The following INCENP variants were observed in gnomAD, a reference collection of about 807,000 sequenced individuals.
INCENP encodes inner centromere protein.
A neutral mutation model predicts 107.3 loss-of-function variants in INCENP; 43 were observed. That is an observed-to-expected ratio of 0.40 (90% CI 0.31 to 0.52). INCENP has a LOEUF of 0.52. Among genes scored for constraint, INCENP ranks in the 20% least tolerant of loss-of-function variants. The pLI is 0.53. For synonymous variants in INCENP, 488 were observed against 494.4 expected (o/e 0.99, Z 0.17); for missense variants, 1,089 against 1,250.9 (o/e 0.87, Z 1.95).
chr11:62,152,849 T>C lies in INCENP; in HGVS notation c.*873T>C, dbSNP rs1944405184. 6.6e-6 allele frequency: 1 copy of C among 152,230 alleles called. No homozygotes were observed. The highest frequency in any genetic ancestry group is 6.5e-5 in the Admixed American group (1 of 15,278). 9.4% of individuals were successfully genotyped at this position (152,230 alleles called of 1,614,324 possible). On this transcript the variant is annotated 3_prime_UTR_variant, in exon 19 of 19. Transcript: ENST00000394818. ...CTGCTAATTAAATGCTTAGAACCAA[T>C]GAAAGCTGGCTGTGGTCCTGCCTGT...
At chr11:62,141,689 G>A (rs1944126864) in intron 11 of INCENP, 178 bp downstream of exon 11, 1 of 810,866 alleles carries the variant, frequency 1.2e-6, no homozygotes. Flanking sequence ...CAGCAGTTCT[G>A]GGCCCCAGCG....
Position 62,145,033 on chromosome 11 carries a change from C to T in INCENP, c.1657C>T (p.Gln553Ter). The change falls in exon 12 of 19, where the codon CAG becomes TAG. Residue 553 changes from glutamine (Q) to a stop codon, truncating the protein, a stop_gained. Coordinates refer to ENST00000394818, the MANE Select transcript of INCENP (RefSeq NM_001040694.2). LOFTEE classifies it high-confidence loss of function. ...TCTGCGGCGGAAGGAGGAGGCCGAG[C>T]AGCTGCGCAGGCAGAAGGTGGAGGA... ...ENLRRKEEAEQLRRQKVEEDK... is the reference protein window; with the variant it reads ...ENLRRKEEAE 2 of 1,610,384 alleles carry T rather than the reference C, an allele frequency of 1.2e-6. No homozygotes were observed.
intron 14 of INCENP, among the ~76,000 whole-genome samples, chr11:62,146,358 T>C (rs1944242394): frequency 6.6e-6 from 1 of 152,224 alleles, no homozygotes; most frequent in Non-Finnish European, 1.5e-5. Context: ...CTCCATTTTA[T>C]AGACGAGGAA....
intron 10 of INCENP, 130 bp downstream of exon 10, chr11:62,141,174 G>T: frequency 3.0e-6 from 4 of 1,312,718 alleles, no homozygotes; most frequent in Non-Finnish European, 4.2e-6. Context: ...CACTGTTAGG[G>T]GCCGGTTGAA....
intron 15 of INCENP, among the ~76,000 whole-genome samples, chr11:62,148,177 G>A (rs1944294454): frequency 6.6e-6 from 1 of 152,182 alleles, no homozygotes; most frequent in South Asian, 2.1e-4. Flanking sequence ...TGACCCTGGA[G>A]GAAATGTGTT....
intron 4 of INCENP, among the ~76,000 whole-genome samples, chr11:62,137,364 A>G (rs1023361237): frequency 2.6e-5 from 4 of 152,208 alleles, no homozygotes; most frequent in Admixed American, 2.0e-4. Flanking sequence ...TGTTGTTGAT[A>G]GGACTATTTG....
rs748781899 is a variant in INCENP, at chr11:62,145,010, T to C, written c.1634T>C (p.Leu545Pro). 4.4e-6 allele frequency: 7 copies of C among 1,605,148 alleles called. No homozygotes were observed. ...VEKERQRLEN[L>P]RRKEEAEQLR... Reference sequence around the variant, plus strand: ...AAGGAGCGGCAGCGCCTGGAGAATCTGCGGCGGAAGGAGGAGGCCGAGCAG... The same window carrying C: ...AAGGAGCGGCAGCGCCTGGAGAATCCGCGGCGGAAGGAGGAGGCCGAGCAG... Residue 545 changes from leucine to proline, a missense_variant, in exon 12 of 19, where the codon CTG becomes CCG. Physicochemically the swap from Leu to Pro is moderately conservative, Grantham distance 98. Transcript: ENST00000394818.
In INCENP at chr11:62,128,897, G is replaced by A. The variant is rs757386760; in HGVS notation, c.254+14G>A. The A allele has an allele frequency of 4.5e-6, 7 of 1,548,542 alleles. No individual in the cohort carries two copies. The highest frequency in any genetic ancestry group is 1.4e-5 in the African/African-American group (1 of 73,562). ...CATCAGGAGAAGGTAGGAGGGGTTGGGGGAGAGTGAGCTGAGCAGTGGGCT... is the reference window on the plus strand; with the variant it reads ...CATCAGGAGAAGGTAGGAGGGGTTGAGGGAGAGTGAGCTGAGCAGTGGGCT... On this transcript the variant is annotated intron_variant, in intron 3 of 18. Transcript: ENST00000394818.
At chr11:62,139,082 T>C in intron 7 of INCENP, 77 bp downstream of exon 7, 1 of 1,001,302 alleles carries the variant, frequency 1.0e-6, no homozygotes, top group Non-Finnish European at 1.6e-6. Flanking sequence ...ACCTTCTCTC[T>C]GGGGATAAGG....
rs1047739 is a variant in INCENP, at chr11:62,152,221, C to T, written c.*245C>T. 109,998 of 559,550 alleles carry T rather than the reference C, an allele frequency of 0.2. 12,005 individuals are homozygous for T. Among genetic ancestry groups the T allele is most frequent in the Middle Eastern group, 0.24 (501 of 2,104 alleles). 34.7% of individuals were successfully genotyped at this position (559,550 alleles called of 1,614,324 possible). A position where few individuals can be genotyped will look rare whatever the true frequency, so the allele number is the denominator to read the frequency against. On this transcript the variant is annotated 3_prime_UTR_variant, in exon 19 of 19. Transcript: ENST00000394818. ...AATGGGCCCAGCCCCACATGGCCTG[C>T]AGACAGTGCTCTGTAAATAGTTGTT... is the stretch of plus-strand genomic sequence containing the variant.
chr11:62,134,450 C>T (rs945216175), intron 4 of INCENP, among the ~76,000 whole-genome samples: 1 of 148,230 alleles, frequency 6.7e-6, no homozygotes, highest in African/African-American at 2.5e-5. Context: ...ATCTATTGAT[C>T]GTTACTGTAT....
chr11:62,140,686 C>T lies in INCENP; in HGVS notation c.1344-18C>T. The T allele has an allele frequency of 1.3e-6, 2 of 1,546,460 alleles. No individual in the cohort carries two copies. The highest frequency in any genetic ancestry group is 1.2e-5 in the South Asian group (1 of 84,084). ...TGTGGCGGGCTGCCCTGTGATGCCG[C>T]CGCCCGCGCCTTGGCAGGAGGAAGC... On this transcript the variant is annotated intron_variant, in intron 8 of 18. Transcript: ENST00000394818.
Position 62,146,800 on chromosome 11 carries a change from A to T in INCENP, c.2102A>T (p.Glu701Val), listed in dbSNP as rs1374071420. 1 of 1,534,990 alleles carries T rather than the reference A, an allele frequency of 6.5e-7. No individual in the cohort carries two copies. Among genetic ancestry groups the T allele is most frequent in the African/African-American group, 1.4e-5 (1 of 71,514 alleles). Reference sequence around the variant, plus strand: ...CGGGAGCAGGAGCGGCGCGAGCAGGAGCGGCGCGAGCAGGAGCGGCGGGAG... The same window carrying T: ...CGGGAGCAGGAGCGGCGCGAGCAGGTGCGGCGCGAGCAGGAGCGGCGGGAG... ...ERREQERREQ[E>V]RREQERREQE... Residue 701 changes from glutamate (E) to valine (V), a missense_variant, in exon 15 of 19, where the codon GAG becomes GTG. Transcript: ENST00000394818.
chr11:62,136,406 G>A (rs550349449), intron 4 of INCENP, among the ~76,000 whole-genome samples: 2 of 152,164 alleles, frequency 1.3e-5, no homozygotes, highest in Non-Finnish European at 2.9e-5. Context: ...ACTTTTGCAG[G>A]CGCAGTGGCT....
At chr11:62,147,211 A>G (rs1363732929) in intron 15 of INCENP, among the ~76,000 whole-genome samples, 4 of 152,280 alleles carry the variant, frequency 2.6e-5, no homozygotes, top group Admixed American at 6.5e-5. Flanking sequence ...CAGGGCCACC[A>G]TGGGCATTTT....
chr11:62,133,985 T>G (rs1290246201), intron 4 of INCENP, among the ~76,000 whole-genome samples: 1 of 152,182 alleles, frequency 6.6e-6, no homozygotes, highest in African/African-American at 2.4e-5. Context: ...ATGCGCCAGC[T>G]CAGCTACCTT....
chr11:62,140,270 C>T lies in INCENP; in HGVS notation c.1328C>T (p.Pro443Leu), dbSNP rs776616611. Reference sequence around the variant, plus strand: ...GACCAAGCAGATGGACCCAGAGAGCCACCGCAGAGTGCCAGGTTTGCATCC... The same window carrying T: ...GACCAAGCAGATGGACCCAGAGAGCTACCGCAGAGTGCCAGGTTTGCATCC... ...KTDQADGPRE[P>L]PQSARRKRSY... The change falls in exon 8 of 19, where the codon CCA (proline) becomes CTA (leucine). Residue 443 changes from proline (P) to leucine (L), a missense_variant. Physicochemically the swap from Pro to Leu is moderately conservative, Grantham distance 98 (BLOSUM62 -3). Transcript: ENST00000394818. 6.2e-7 allele frequency: 1 copy of T among 1,613,718 alleles called. No individual in the cohort carries two copies. Among genetic ancestry groups the T allele is most frequent in the South Asian group, 1.1e-5 (1 of 91,066 alleles).
intron 15 of INCENP, among the ~76,000 whole-genome samples, chr11:62,147,917 G>A (rs1675115): frequency 0.022 from 3,301 of 152,280 alleles, 126 homozygotes; most frequent in African/African-American, 0.075. Context: ...CGAGCTGCAT[G>A]CTTTACACCT....
In INCENP at chr11:62,140,781, C is replaced by T. The variant is rs1228350574; in HGVS notation, c.1421C>T (p.Pro474Leu). Residue 474 changes from proline to leucine, a missense_variant, in exon 9 of 19, where the codon CCC becomes CTC. By Grantham distance (98) the Pro-to-Leu change is moderately conservative. Coordinates refer to ENST00000394818, the MANE Select transcript of INCENP (RefSeq NM_001040694.2). ...CTGGAGGATGAGGAGCTGCAGCCCC[C>T]CAGGAGCAAGACCCCTTCCTCACCC... ...QHLEDEELQP[P>L]RSKTPSSPCP... The T allele has an allele frequency of 1.9e-6, 3 of 1,612,116 alleles. No individual in the cohort carries two copies. The highest frequency in any genetic ancestry group is 3.3e-5 in the Admixed American group (2 of 59,916).
Sources: allele counts gnomAD v4.1 joint callset (sites outside exome capture counted in the v4.1 genomes callset), GRCh38; gene constraint gnomAD v4.1.1; transcripts MANE v1.5; gene names NCBI Gene and HGNC (gene_info 2026-07-23, HGNC 2026-07-21).